The following DRD3 variants were observed in gnomAD, a reference collection of about 807,000 sequenced individuals.
The protein encoded by DRD3 is dopamine receptor D3.
DRD3 carries 19 observed loss-of-function variants against 36.3 expected under a neutral mutation model. That is an observed-to-expected ratio of 0.52 (90% confidence interval 0.36 to 0.77). The LOEUF (loss-of-function observed/expected upper bound fraction) is 0.77. Among genes scored for constraint, DRD3 ranks in the 30% least tolerant of loss-of-function variants. The pLI is 0.00. For missense variants in DRD3, 465 were observed against 505.3 expected (o/e 0.92, Z 0.77); for synonymous variants, 195 against 203.7 (o/e 0.96, Z 0.36).
intron 3 of DRD3, among the ~76,000 whole-genome samples, chr3:114,158,794 C>G (rs1373154041): frequency 6.6e-6 from 1 of 152,072 alleles, no homozygotes; most frequent in Non-Finnish European, 1.5e-5. Context: ...TTGGGGTCAC[C>G]TGTTGGAGCT....
At chr3:114,182,600 A>T (rs1340204897), upstream of DRD3, among the ~76,000 whole-genome samples, 1 of 151,004 alleles carries the variant, frequency 6.6e-6, no homozygotes, top group Non-Finnish European at 1.5e-5. Flanking sequence ...TCATCATCTA[A>T]TTTTTTCTTT....
intron 5 of DRD3, among the ~76,000 whole-genome samples, chr3:114,132,407 G>A (rs1386970882): frequency 6.6e-6 from 1 of 152,110 alleles, no homozygotes; most frequent in East Asian, 1.9e-4. Flanking sequence ...GGCCTGTCAA[G>A]GGATGGGGGG....
Position 114,171,965 on chromosome 3 carries a change from G to T in DRD3, c.28C>A (p.His10Asn). 5 of 1,528,622 alleles carry T rather than the reference G, an allele frequency of 3.3e-6. No individual in the cohort carries two copies. Among genetic ancestry groups the T allele is most frequent in the Non-Finnish European group, 4.4e-6 (5 of 1,133,938 alleles). 94.7% of individuals were successfully genotyped at this position (1,528,622 alleles called of 1,614,324 possible). A position where few individuals can be genotyped will look rare whatever the true frequency, so the allele number is the denominator to read the frequency against. ...TCTGCCCCACAGGTGTAGTTCAGGT[G>T]GCCACTCAGCTGGCTCAGAGATGCC... Reference protein sequence around the residue: MASLSQLSGHLNYTCGAENS... With the variant: MASLSQLSGNLNYTCGAENS... The change falls in exon 2 of 7, where the codon CAC becomes AAC. Residue 10 changes from histidine (H) to asparagine (N), a missense_variant. Coordinates refer to ENST00000383673, the MANE Select transcript of DRD3 (RefSeq NM_000796.6).
chr3:114,130,103 A>T (rs1283255820), intron 6 of DRD3, among the ~76,000 whole-genome samples: 2 of 151,990 alleles, frequency 1.3e-5, no homozygotes, highest in African/African-American at 2.4e-5. Context: ...AATAAAAATT[A>T]AAAAAATTAG....
chr3:114,198,268 C>G (rs1272081126), intron 1 of DRD3, among the ~76,000 whole-genome samples: 1 of 150,642 alleles, frequency 6.6e-6, no homozygotes, highest in African/African-American at 2.4e-5. Context: ...CTCACTCTGT[C>G]ACCCAGGCTG....
intron 1 of DRD3, among the ~76,000 whole-genome samples, chr3:114,178,438 T>TGG (rs944929879): frequency 1.3e-5 from 2 of 152,100 alleles, no homozygotes; most frequent in Non-Finnish European, 2.9e-5. Context: ...GATACAATTT[T>TGG]GGGGGAAAAA....
chr3:114,142,668 AGTAT>A (rs1244318371), intron 4 of DRD3, among the ~76,000 whole-genome samples: 5 of 152,174 alleles, frequency 3.3e-5, no homozygotes, highest in African/African-American at 1.2e-4. Context: ...CCTACATATA[AGTAT>A]GTATGTATCT....
chr3:114,191,633 C>G (rs1158088197), intron 1 of DRD3, among the ~76,000 whole-genome samples: 1 of 152,156 alleles, frequency 6.6e-6, no homozygotes, highest in Non-Finnish European at 1.5e-5. Context: ...CAGGAGCAAG[C>G]CAGGGCGTGG....
intron 1 of DRD3, 121 bp from the exon 2 acceptor site, chr3:114,172,148 A>G (rs764990785): frequency 3.8e-6 from 3 of 781,308 alleles, no homozygotes; most frequent in Non-Finnish European, 5.5e-6. Flanking sequence ...TATAGTAGGC[A>G]CTGTTGTGAG....
At chr3:114,165,736 TTTCTTGGTGGGAGGG>T (rs1293140993) in intron 2 of DRD3, among the ~76,000 whole-genome samples, 6 of 152,156 alleles carry the variant, frequency 3.9e-5, no homozygotes, top group Admixed American at 3.9e-4. Flanking sequence ...ATTTGGAGTA[TTTCTTGGTGGGAGGG>T]TTGCTGTGGG....
rs181388375 is a variant in DRD3 at position 114,170,244 on chromosome 3, T to C, written c.270+1479A>G. ...CAAAAAGTCTGAGTGTAACAATAGA[T>C]AGAGAGGCAGATGGTATTAGCAGGA... On this transcript the variant is annotated intron_variant, in intron 2 of 6. Coordinates refer to ENST00000383673, the MANE Select transcript of DRD3 (RefSeq NM_000796.6). 8.3e-4 allele frequency among the ~76,000 whole-genome samples: 127 copies of C among 152,294 alleles called. 4 individuals are homozygous for C. The South Asian group carries it at 0.014, about 17-fold the overall frequency.
chr3:114,194,995 T>G (rs2078029781), intron 1 of DRD3, among the ~76,000 whole-genome samples: 1 of 152,132 alleles, frequency 6.6e-6, no homozygotes, highest in Admixed American at 6.5e-5. Context: ...CATAGGAAAT[T>G]CCCCCAGGCA....
intron 1 of DRD3, among the ~76,000 whole-genome samples, chr3:114,198,595 G>A (rs1430033671): frequency 6.6e-6 from 1 of 151,358 alleles, no homozygotes; most frequent in African/African-American, 2.4e-5. Flanking sequence ...AGATTACCAT[G>A]TTATCTGAAA....
chr3:114,144,563 C>G (rs1180505664), intron 4 of DRD3, among the ~76,000 whole-genome samples: 1 of 152,186 alleles, frequency 6.6e-6, no homozygotes, highest in Non-Finnish European at 1.5e-5. Flanking sequence ...CTGAGCTTCA[C>G]TTACTAAATC....
At chr3:114,185,743 A>G (rs891770094) in intron 1 of DRD3, among the ~76,000 whole-genome samples, 3 of 152,042 alleles carry the variant, frequency 2.0e-5, no homozygotes, top group African/African-American at 7.3e-5. Flanking sequence ...TGGCATGATC[A>G]TAGCTCACTG....
intron 4 of DRD3, among the ~76,000 whole-genome samples, chr3:114,140,974 G>T (rs2077518881): frequency 6.6e-6 from 1 of 152,134 alleles, no homozygotes; most frequent in African/African-American, 2.4e-5. Flanking sequence ...GTGAGATTCA[G>T]GTCTGCTATT....
At chr3:114,160,195 A>T (rs760064625) in intron 2 of DRD3, among the ~76,000 whole-genome samples, 5 of 152,114 alleles carry the variant, frequency 3.3e-5, no homozygotes, top group African/African-American at 7.2e-5. Context: ...ATACCTACTG[A>T]GTCAGAATCT....
chr3:114,180,872 G>A (rs989332157), upstream of DRD3, among the ~76,000 whole-genome samples: 1 of 152,148 alleles, frequency 6.6e-6, no homozygotes, highest in African/African-American at 2.4e-5. Context: ...ACATATAAAA[G>A]CAGGGAGTAA....
At chr3:114,198,522 C>T (rs915621519) in intron 1 of DRD3, among the ~76,000 whole-genome samples, 3 of 151,970 alleles carry the variant, frequency 2.0e-5, no homozygotes, top group African/African-American at 7.2e-5. Flanking sequence ...TATTCTGCAC[C>T]TTACTTATTT....
Sources: allele counts gnomAD v4.1 joint callset (sites outside exome capture counted in the v4.1 genomes callset), GRCh38; gene constraint gnomAD v4.1.1; transcripts MANE v1.5; gene names NCBI Gene and HGNC (gene_info 2026-07-23, HGNC 2026-07-21).